PHF8: variants seen among roughly 807,000 people sequenced by gnomAD.
The protein encoded by PHF8 is histone lysine demethylase PHF8.
A neutral mutation model predicts 74.4 loss-of-function variants in PHF8; 9 were observed. The ratio of observed to expected loss-of-function variants is 0.12; its 90% confidence interval spans 0.07 to 0.21. The LOEUF (loss-of-function observed/expected upper bound fraction) is 0.21, where lower values mean the gene tolerates loss of function less well. Ranked by LOEUF, PHF8 falls within the 10% of genes least tolerant of loss-of-function variation. The pLI is 1.00. For missense variants in PHF8, 478 were observed against 816.6 expected, an observed-to-expected ratio of 0.59 and a Z score of 5.05; for synonymous variants, 311 against 316.6, an observed-to-expected ratio of 0.98 and a Z score of 0.19.
At chrX:53,986,031 T>C (rs1194875646) in intron 16 of PHF8, 82 bp from the exon 17 acceptor site, 2 of 892,783 alleles carry the variant, frequency 2.2e-6, no homozygotes, top group African/African-American at 3.9e-5. Context: ...ATCTGACTCC[T>C]GATATTAATA....
chrX:54,010,783 C>T (rs1471743030), intron 8 of PHF8, among the ~76,000 whole-genome samples: 1 of 111,082 alleles, frequency 9.0e-6, no homozygotes, highest in Non-Finnish European at 1.9e-5. Context: ...GCACTATCCC[C>T]ACCACAGGTC....
At chrX:54,017,202 T>C (rs1467107891) in intron 5 of PHF8, among the ~76,000 whole-genome samples, 1 of 112,928 alleles carries the variant, frequency 8.9e-6, no homozygotes, top group South Asian at 3.6e-4. Flanking sequence ...GTAATCCCAG[T>C]TGGGAGGCCG....
chrX:53,943,600 C>T (rs782167157), intron 20 of PHF8, among the ~76,000 whole-genome samples: 1 of 111,848 alleles, frequency 8.9e-6, no homozygotes, highest in Non-Finnish European at 1.9e-5. Context: ...AAGCACATTA[C>T]GCACATTAAA....
Position 53,985,883 on chromosome X carries a change from C to A in PHF8, c.2062G>T (p.Ala688Ser), listed in dbSNP as rs782217443. The A allele has an allele frequency of 8.3e-7, 1 of 1,208,222 alleles. No individual in the cohort carries two copies. The highest frequency in any genetic ancestry group is 2.2e-5 in the Admixed American group (1 of 45,980). Residue 688 changes from alanine to serine, a missense_variant, in exon 17 of 22, where the codon GCT becomes TCT. Physicochemically the swap from Ala to Ser is moderately conservative, Grantham distance 99. This residue lies in a region of PHF8 where 45 missense variants were observed against 94.4 expected (regional missense o/e 0.48). Coordinates refer to ENST00000338154, the MANE Select transcript of PHF8 (RefSeq NM_015107.3). ...VEGKLGNGSGAGGILDLLKAS... is the reference protein window; with the variant it reads ...VEGKLGNGSGSGGILDLLKAS... Reference sequence around the variant, plus strand: ...TTGAGCAGATCAAGAATGCCACCAGCGCCACTACCATTCCCAAGCTTGCCT... The same window carrying A: ...TTGAGCAGATCAAGAATGCCACCAGAGCCACTACCATTCCCAAGCTTGCCT...
At chrX:53,979,815 CCT>C (rs1456429810) in intron 18 of PHF8, among the ~76,000 whole-genome samples, 1 of 110,835 alleles carries the variant, frequency 9.0e-6, no homozygotes, top group Non-Finnish European at 1.9e-5. Flanking sequence ...ATGGCAAAAC[CCT>C]GTTTCCACTA....
intron 20 of PHF8, chrX:53,943,445 G>C (rs1303286593): frequency 3.9e-5 from 41 of 1,057,548 alleles, no homozygotes; most frequent in Non-Finnish European, 4.2e-5. Context: ...AGGGCTATTG[G>C]GCAGATAGAT....
intron 2 of PHF8, among the ~76,000 whole-genome samples, chrX:54,023,067 C>T (rs1356977514): frequency 8.9e-6 from 1 of 111,850 alleles, no homozygotes; most frequent in Non-Finnish European, 1.9e-5. Context: ...CCTCTGCCTC[C>T]TGGGTTCAAG....
intron 10 of PHF8, among the ~76,000 whole-genome samples, chrX:54,001,087 G>C (rs187002757): frequency 1.8e-5 from 2 of 112,135 alleles, no homozygotes; most frequent in Non-Finnish European, 3.8e-5. Flanking sequence ...CAGCACATTG[G>C]GAGACTGAGG....
intron 4 of PHF8, among the ~76,000 whole-genome samples, 188 bp downstream of exon 4, chrX:54,022,071 A>G: frequency 9.0e-6 from 1 of 111,561 alleles, no homozygotes; most frequent in Non-Finnish European, 1.9e-5. Flanking sequence ...ACTTAGGTGA[A>G]TACTGCCTCC....
At chrX:54,042,967 C>G in intron 1 of PHF8, 147 bp from the exon 2 acceptor site, 1 of 541,963 alleles carries the variant, frequency 1.8e-6, no homozygotes, top group Admixed American at 4.4e-5. Flanking sequence ...AAAGTCCACC[C>G]GGCCCTTAGA....
intron 2 of PHF8, among the ~76,000 whole-genome samples, chrX:54,040,587 C>T (rs1203693261): frequency 9.0e-6 from 1 of 111,563 alleles, no homozygotes; most frequent in Non-Finnish European, 1.9e-5. Flanking sequence ...GGGGAGAGGG[C>T]ATTAGTGGGA....
At chrX:54,010,646 T>G (rs1272941193) in intron 8 of PHF8, among the ~76,000 whole-genome samples, 1 of 111,345 alleles carries the variant, frequency 9.0e-6, no homozygotes, top group Non-Finnish European at 1.9e-5. Context: ...AGTAAAGATG[T>G]CAACTCTCCC....
chrX:53,961,147 C>T (rs782003691), intron 19 of PHF8, among the ~76,000 whole-genome samples: 4 of 107,689 alleles, frequency 3.7e-5, no homozygotes, highest in Admixed American at 3.0e-4. Context: ...CTCAGCCTCT[C>T]GAGTAGCTGG....
rs945923221 is a variant in PHF8 at position 53,958,147 on chromosome X, T to C, written c.2539+4697A>G. On this transcript the variant is annotated intron_variant, in intron 19 of 21. Coordinates refer to ENST00000338154, the MANE Select transcript of PHF8 (RefSeq NM_015107.3). ...ACCGCCACCTCCCGGGTTCAAGCGA[T>C]TCTCCTGCCTCAGCCTCCTGAGTAG... Among the ~76,000 whole-genome samples, 3 of 108,952 alleles carry C rather than the reference T, an allele frequency of 2.8e-5. No individual in the cohort carries two copies. In the East Asian group the frequency reaches 8.8e-4, roughly 32 times the overall value. 94.6% of individuals were successfully genotyped at this position (108,952 alleles called of 115,157 possible).
chrX:53,982,384 G>A (rs1428073136), intron 18 of PHF8, among the ~76,000 whole-genome samples: 1 of 112,549 alleles, frequency 8.9e-6, no homozygotes, highest in African/African-American at 3.2e-5. Context: ...TTCTTTTTTA[G>A]CATCTGTTTG....
rs1280899248 is a variant in PHF8 at position 54,044,379 on chromosome X, G to A, written c.-710C>T. 2.7e-6 allele frequency: 2 copies of A among 749,951 alleles called. No individual in the cohort carries two copies. Among genetic ancestry groups the A allele is most frequent in the Non-Finnish European group, 3.1e-6 (2 of 635,573 alleles). The allele number at this position is 749,951 out of a possible 1,213,427, so 61.8% of individuals were successfully genotyped here. On this transcript the variant is annotated 5_prime_UTR_variant, in exon 1 of 22. Transcript: ENST00000338154. ...TGAGGAAGTTGAGGCGGAGAGGGGA[G>A]GAGAAATACGGGATAAACAGCTACC...
At chrX:53,978,497 A>G (rs782481079) in intron 18 of PHF8, among the ~76,000 whole-genome samples, 1 of 111,712 alleles carries the variant, frequency 9.0e-6, no homozygotes, top group African/African-American at 3.2e-5. Flanking sequence ...ACATGAATGA[A>G]TATTAAAGCC....
intron 14 of PHF8, among the ~76,000 whole-genome samples, 187 bp downstream of exon 14, chrX:53,992,549 C>T (rs782145858): frequency 1.8e-4 from 20 of 111,307 alleles, no homozygotes; most frequent in Non-Finnish European, 3.2e-4. Flanking sequence ...TCTCACTCTA[C>T]CCACCTCCAA....
Position 53,938,645 on chromosome X carries a change from C to T in PHF8, c.*513G>A. Reference sequence around the variant, plus strand: ...ATTTGGCAAGAGGGGGCAGAGACCACAGCCTTCTCCCATGAGCAAGTCTGG... The same window carrying T: ...ATTTGGCAAGAGGGGGCAGAGACCATAGCCTTCTCCCATGAGCAAGTCTGG... On this transcript the variant is annotated 3_prime_UTR_variant, in exon 22 of 22. Coordinates refer to ENST00000338154, the MANE Select transcript of PHF8 (RefSeq NM_015107.3). 1.3e-6 allele frequency: 1 copy of T among 757,926 alleles called. No homozygotes were observed. Among genetic ancestry groups the T allele is most frequent in the Non-Finnish European group, 1.6e-6 (1 of 641,698 alleles). 62.5% of individuals were successfully genotyped at this position (757,926 alleles called of 1,213,427 possible).
Sources: allele counts gnomAD v4.1 joint callset (sites outside exome capture counted in the v4.1 genomes callset), GRCh38; gene constraint gnomAD v4.1.1; regional missense constraint gnomAD v4.1.1; transcripts MANE v1.5; gene names NCBI Gene and HGNC (gene_info 2026-07-23, HGNC 2026-07-21).